HNRNPC: variants seen among roughly 807,000 people sequenced by gnomAD.
HNRNPC encodes heterogeneous nuclear ribonucleoprotein C.
Under a neutral mutation model 33.2 loss-of-function variants are expected in HNRNPC, and 3 were observed. The ratio of observed to expected loss-of-function variants is 0.09; its 90% CI spans 0.04 to 0.23. The LOEUF (loss-of-function observed/expected upper bound fraction) is 0.23. Among genes scored for constraint, HNRNPC ranks in the 10% least tolerant of loss-of-function variants. The pLI is 1.00. For missense variants in HNRNPC, 143 were observed against 366.7 expected, an observed-to-expected ratio of 0.39 and a Z score of 4.98; for synonymous variants, 121 against 126.7, an observed-to-expected ratio of 0.96 and a Z score of 0.30.
At chr14:21,247,521 T>C (rs998751021) in intron 2 of HNRNPC, among the ~76,000 whole-genome samples, 1 of 152,110 alleles carries the variant, frequency 6.6e-6, no homozygotes, top group Non-Finnish European at 1.5e-5. Context: ...TCTGGTTTAG[T>C]TTTCTATTTT....
At chr14:21,219,108 CA>C (rs555837563) in intron 5 of HNRNPC, among the ~76,000 whole-genome samples, 1,907 of 96,342 alleles carry the variant, frequency 0.02, 20 homozygotes, top group Middle Eastern at 0.05. Flanking sequence ...GACTCTTTCT[CA>C]AAAAAAAAAA....
chr14:21,233,582 A>G (rs1298352298), intron 3 of HNRNPC, among the ~76,000 whole-genome samples: 2 of 152,184 alleles, frequency 1.3e-5, no homozygotes, highest in Non-Finnish European at 2.9e-5. Context: ...GCCAAACTGC[A>G]GTCGGCCCAA....
At chr14:21,222,964 G>A (rs1229714219) in intron 5 of HNRNPC, among the ~76,000 whole-genome samples, 3 of 152,074 alleles carry the variant, frequency 2.0e-5, no homozygotes, top group African/African-American at 7.2e-5. Flanking sequence ...ACTTTGGGAG[G>A]CTGAGGCGGC....
At chr14:21,225,005 T>G (rs1893254750) in intron 5 of HNRNPC, among the ~76,000 whole-genome samples, 1 of 152,170 alleles carries the variant, frequency 6.6e-6, no homozygotes, top group South Asian at 2.1e-4. Context: ...ACCATTGAAC[T>G]AAACCAGTCT....
intron 5 of HNRNPC, among the ~76,000 whole-genome samples, chr14:21,227,177 A>G (rs1893561895): frequency 6.6e-6 from 1 of 151,310 alleles, no homozygotes; most frequent in Non-Finnish European, 1.5e-5. Flanking sequence ...CCAGCAAAAA[A>G]CTCCTGTATC....
chr14:21,234,379 A>G lies in HNRNPC; in HGVS notation c.-36-150T>C, dbSNP rs1406895006. The G allele has an allele frequency of 1.2e-4, 69 of 595,396 alleles. No individual in the cohort carries two copies. The East Asian group carries it at 2.1e-3, about 18-fold the overall frequency. 36.9% of individuals were successfully genotyped at this position (595,396 alleles called of 1,614,324 possible). ...TCACAGCATTAAGTATGTATTTGCT[A>G]ATAATTTCAGAGACTCCAGCCTCTG... On this transcript the variant is annotated intron_variant, in intron 2 of 8. Coordinates refer to ENST00000553300, the MANE Select transcript of HNRNPC (RefSeq NM_004500.4).
At chr14:21,266,976 A>G (rs1365833791) in intron 1 of HNRNPC, among the ~76,000 whole-genome samples, 2 of 151,998 alleles carry the variant, frequency 1.3e-5, no homozygotes, top group African/African-American at 2.4e-5. Flanking sequence ...CTGTAATCCC[A>G]GCTACTCGGG....
intron 2 of HNRNPC, among the ~76,000 whole-genome samples, chr14:21,259,237 C>CG (rs968652875): frequency 7.9e-5 from 12 of 152,188 alleles, no homozygotes; most frequent in African/African-American, 2.9e-4. Flanking sequence ...GCTACTTCCA[C>CG]GTAGCTAAGC....
intron 5 of HNRNPC, among the ~76,000 whole-genome samples, chr14:21,218,759 G>A (rs1439571689): frequency 1.4e-5 from 2 of 146,886 alleles, no homozygotes; most frequent in African/African-American, 5.0e-5. Flanking sequence ...CAGCACTTTG[G>A]AAGGCCAAGG....
chr14:21,210,399 T>C lies in HNRNPC; in HGVS notation c.*824A>G, dbSNP rs1594184400. ...CAATGCAACATGCATCTCAATGAAATATAATTTGAGTAGTGTTGTGTTGGT... is the reference window on the plus strand; with the variant it reads ...CAATGCAACATGCATCTCAATGAAACATAATTTGAGTAGTGTTGTGTTGGT... On this transcript the variant is annotated 3_prime_UTR_variant, in exon 9 of 9. Coordinates refer to ENST00000553300, the MANE Select transcript of HNRNPC (RefSeq NM_004500.4). The C allele has an allele frequency of 6.6e-6, 1 of 152,564 alleles. No homozygotes were observed. Among genetic ancestry groups the C allele is most frequent in the East Asian group, 1.9e-4 (1 of 5,192 alleles). The allele number at this position is 152,564 out of a possible 1,614,324, so 9.5% of individuals were successfully genotyped here.
At chr14:21,258,609 AAC>A (rs1460007922) in intron 2 of HNRNPC, among the ~76,000 whole-genome samples, 1 of 152,216 alleles carries the variant, frequency 6.6e-6, no homozygotes, top group African/African-American at 2.4e-5. Context: ...TGATTAAGTT[AAC>A]ACAAACTCAC....
At position 21,209,441 on chromosome 14, in the gene HNRNPC, C is replaced by T. The variant is rs1182982658; in HGVS notation, c.*1782G>A. 6.6e-6 allele frequency: 1 copy of T among 152,166 alleles called. No homozygotes were observed. The highest frequency in any genetic ancestry group is 2.4e-5 in the African/African-American group (1 of 41,438). 9.4% of individuals were successfully genotyped at this position (152,166 alleles called of 1,614,324 possible). ...CATCTGACACTCTCTCCTAAGCATC[C>T]AGTTTATTTTCTAGTCACGGGTTAC... On this transcript the variant is annotated 3_prime_UTR_variant, in exon 9 of 9. Coordinates refer to ENST00000553300, the MANE Select transcript of HNRNPC (RefSeq NM_004500.4).
At chr14:21,229,746 T>C (rs1271968251) in intron 5 of HNRNPC, among the ~76,000 whole-genome samples, 1 of 152,208 alleles carries the variant, frequency 6.6e-6, no homozygotes, top group Non-Finnish European at 1.5e-5. Flanking sequence ...TATACAGTAA[T>C]AACATTAAAA....
chr14:21,260,374 A>T (rs1470404389), intron 2 of HNRNPC, among the ~76,000 whole-genome samples: 8 of 151,092 alleles, frequency 5.3e-5, no homozygotes, highest in African/African-American at 1.9e-4. Flanking sequence ...TTATTTAAAA[A>T]AAAAAAAAAA....
At chr14:21,236,940 T>C (rs1482680637) in intron 2 of HNRNPC, among the ~76,000 whole-genome samples, 1 of 152,114 alleles carries the variant, frequency 6.6e-6, no homozygotes, top group African/African-American at 2.4e-5. Context: ...TCACTGACTG[T>C]GGGAGAAATA....
At chr14:21,263,935 A>ACTGC (rs1878577360) in intron 1 of HNRNPC, 1 of 152,166 alleles carries the variant, frequency 6.6e-6, no homozygotes, top group Non-Finnish European at 1.5e-5. Context: ...CATTTTGGTA[A>ACTGC]AGCATTAACA....
At chr14:21,226,151 T>G (rs1303221795) in intron 5 of HNRNPC, among the ~76,000 whole-genome samples, 2 of 151,740 alleles carry the variant, frequency 1.3e-5, no homozygotes, top group African/African-American at 4.8e-5. Context: ...TGAAACCCCA[T>G]GTCTACTAAA....
At chr14:21,214,821 T>C (rs901949696) in intron 5 of HNRNPC, among the ~76,000 whole-genome samples, 6 of 152,202 alleles carry the variant, frequency 3.9e-5, no homozygotes, top group Admixed American at 2.0e-4. Flanking sequence ...ATGGTAACAC[T>C]TGCACAAACA....
At chr14:21,212,346 GAGTTCAATATAGA>G (rs1186426746) in intron 6 of HNRNPC, among the ~76,000 whole-genome samples, 1 of 151,876 alleles carries the variant, frequency 6.6e-6, no homozygotes, top group Non-Finnish European at 1.5e-5. Flanking sequence ...GTTACAGGAG[GAGTTCAATATAGA>G]AAAGTTAAAA....
Sources: allele counts gnomAD v4.1 joint callset (sites outside exome capture counted in the v4.1 genomes callset), GRCh38; gene constraint gnomAD v4.1.1; transcripts MANE v1.5; gene names NCBI Gene and HGNC (gene_info 2026-07-23, HGNC 2026-07-21).